The following LGR5 variants were observed in gnomAD, a reference collection of about 807,000 sequenced individuals.
LGR5 encodes leucine-rich repeat-containing G protein-coupled receptor 5.
Under a neutral mutation model 76.7 loss-of-function variants are expected in LGR5, and 54 were observed. The observed-to-expected ratio is 0.70, with a 90% CI of 0.57 to 0.88. The LOEUF is 0.88. LGR5 is among the 40% of genes least tolerant of loss of function. The pLI is 0.00. For missense variants in LGR5, 1,078 were observed against 1,073.3 expected (o/e 1.00, Z -0.06); for synonymous variants, 406 against 421.9 (o/e 0.96, Z 0.46).
chr12:71,568,118 CTG>C (rs1407276599), intron 11 of LGR5, among the ~76,000 whole-genome samples: 1 of 152,176 alleles, frequency 6.6e-6, no homozygotes, highest in Non-Finnish European at 1.5e-5. Context: ...ATTTTACATA[CTG>C]GAGCTAGTAA....
At chr12:71,467,311 A>C (rs1392341718) in intron 1 of LGR5, among the ~76,000 whole-genome samples, 1 of 152,230 alleles carries the variant, frequency 6.6e-6, no homozygotes, top group Admixed American at 6.5e-5. Flanking sequence ...TTTAAAAGGT[A>C]GTGAAGATAA....
chr12:71,447,756 C>A (rs770306276), intron 1 of LGR5, among the ~76,000 whole-genome samples: 1 of 152,162 alleles, frequency 6.6e-6, no homozygotes, highest in Non-Finnish European at 1.5e-5. Context: ...AGGGCATAGC[C>A]GTGAAGGGCC....
intron 1 of LGR5, 150 bp from the exon 2 acceptor site, chr12:71,504,464 T>C: frequency 1.4e-6 from 1 of 729,876 alleles, no homozygotes; most frequent in Non-Finnish European, 2.5e-6. Flanking sequence ...GAAAAGGAAT[T>C]AATATTTAAG....
chr12:71,537,141 T>C (rs149418828), intron 4 of LGR5, among the ~76,000 whole-genome samples: 4 of 150,502 alleles, frequency 2.7e-5, no homozygotes, highest in African/African-American at 9.8e-5. Context: ...TTTTTCTCAC[T>C]GATATTTTTT....
intron 4 of LGR5, among the ~76,000 whole-genome samples, chr12:71,542,963 C>G (rs1876961346): frequency 6.6e-6 from 1 of 152,184 alleles, no homozygotes; most frequent in South Asian, 2.1e-4. Flanking sequence ...TCTGACTACC[C>G]TTTAGAAAAC....
chr12:71,555,692 A>G (rs891882411), intron 5 of LGR5, among the ~76,000 whole-genome samples: 3 of 152,216 alleles, frequency 2.0e-5, no homozygotes, highest in African/African-American at 7.2e-5. Flanking sequence ...TCCCAAAGCC[A>G]TGCTGAACAA....
chr12:71,452,302 C>A (rs146978838), intron 1 of LGR5, among the ~76,000 whole-genome samples: 24 of 152,304 alleles, frequency 1.6e-4, no homozygotes, highest in African/African-American at 5.5e-4. Flanking sequence ...CATTTTAAAA[C>A]ACCCTGTGTC....
rs747929573 is a variant in LGR5 at position 71,583,727 on chromosome 12, A to G, written c.1717A>G (p.Thr573Ala). The change falls in exon 18 of 18, where the codon ACT becomes GCT. Residue 573 changes from threonine to alanine, a missense_variant. Physicochemically the swap from Thr to Ala is moderately conservative, Grantham distance 58. Coordinates refer to ENST00000266674, the MANE Select transcript of LGR5 (RefSeq NM_003667.4). ...GTGGACCATAGCAGTTCTGGCACTT[A>G]CTTGTAATGCTTTGGTGACTTCAAC... is the stretch of plus-strand genomic sequence containing the variant. ...GVWTIAVLAL[T>A]CNALVTSTVF... 6.2e-7 allele frequency: 1 copy of G among 1,613,990 alleles called. No individual in the cohort carries two copies. The highest frequency in any genetic ancestry group is 8.5e-7 in the Non-Finnish European group (1 of 1,180,016).
Position 71,585,962 on chromosome 12 carries a change from C to A in LGR5, c.*1228C>A, listed in dbSNP as rs1879300511. The stretch of plus-strand genomic sequence containing the variant: ...CTATATTAGCTTCAATACATCCAAA[C>A]CAAATGGCTGTTAGGTAGATTTATT... On this transcript the variant is annotated 3_prime_UTR_variant, in exon 18 of 18. Coordinates refer to ENST00000266674, the MANE Select transcript of LGR5 (RefSeq NM_003667.4). The A allele has an allele frequency of 6.6e-6, 1 of 152,148 alleles. No individual in the cohort carries two copies. The highest frequency in any genetic ancestry group is 1.9e-4 in the East Asian group (1 of 5,190). The allele number at this position is 152,148 out of a possible 1,614,324, so 9.4% of individuals were successfully genotyped here.
intron 1 of LGR5, among the ~76,000 whole-genome samples, chr12:71,464,091 A>G (rs1452396928): frequency 1.3e-5 from 2 of 152,218 alleles, no homozygotes. Context: ...GATTCTTTAA[A>G]TCATGTATGT....
At chr12:71,524,374 T>TCA in intron 2 of LGR5, 32 bp from the exon 3 acceptor site, 4 of 1,511,828 alleles carry the variant, frequency 2.6e-6, no homozygotes, top group African/African-American at 1.4e-5. Context: ...AGAGGTATGC[T>TCA]CACTCTCTCT....
At chr12:71,503,998 G>C (rs1283892509) in intron 1 of LGR5, among the ~76,000 whole-genome samples, 6 of 152,196 alleles carry the variant, frequency 3.9e-5, no homozygotes, top group African/African-American at 1.4e-4. Flanking sequence ...CTACTGTGCA[G>C]GCCCAGCAGG....
chr12:71,533,398 T>TG (rs1375437799), intron 3 of LGR5, among the ~76,000 whole-genome samples: 1 of 152,116 alleles, frequency 6.6e-6, no homozygotes, highest in Admixed American at 6.5e-5. Flanking sequence ...TAGCACAGCA[T>TG]GGGGTAGTTC....
chr12:71,567,037 G>C, intron 11 of LGR5, 125 bp downstream of exon 11: 3 of 757,760 alleles, frequency 4.0e-6, no homozygotes, highest in Admixed American at 2.0e-5. Flanking sequence ...GTCTGCAGGA[G>C]GTCAAGCCTC....
chr12:71,520,728 A>C (rs186411268), intron 2 of LGR5, among the ~76,000 whole-genome samples: 1 of 124,864 alleles, frequency 8.0e-6, no homozygotes, highest in African/African-American at 3.0e-5. Flanking sequence ...GGAATGGGGG[A>C]CGGGGGGAGG....
rs1488065462 is a variant in LGR5, at chr12:71,583,719, T to G, written c.1709T>G (p.Leu570Arg). 1 of 1,614,080 alleles carries G rather than the reference T, an allele frequency of 6.2e-7. No individual in the cohort carries two copies. Among genetic ancestry groups the G allele is most frequent in the Admixed American group, 1.7e-5 (1 of 60,006 alleles). The change falls in exon 18 of 18, where the codon CTG (leucine) becomes CGG (arginine). Residue 570 changes from leucine to arginine, a missense_variant. By Grantham distance (102) the Leu-to-Arg change is moderately radical. Transcript: ENST00000266674. Reference protein sequence around the residue: ...IRIGVWTIAVLALTCNALVTS... With the variant: ...IRIGVWTIAVRALTCNALVTS... ...ATTGGAGTGTGGACCATAGCAGTTC[T>G]GGCACTTACTTGTAATGCTTTGGTG...
Position 71,583,855 on chromosome 12 carries a change from T to C in LGR5, c.1845T>C (p.Gly615=), listed in dbSNP as rs777116327. 6.2e-7 allele frequency: 1 copy of C among 1,613,992 alleles called. No homozygotes were observed. Among genetic ancestry groups the C allele is most frequent in the Non-Finnish European group, 8.5e-7 (1 of 1,180,004 alleles). The change falls in exon 18 of 18, where the codon GGT becomes GGC. Residue 615 remains glycine (G), a synonymous_variant. Coordinates refer to ENST00000266674, the MANE Select transcript of LGR5 (RefSeq NM_003667.4). ...LTGVSSAVLA[G]VDAFTFGSFA... ...GAGTCTCCAGTGCCGTGCTGGCTGG[T>C]GTGGATGCGTTCACTTTTGGCAGCT...
intron 1 of LGR5, among the ~76,000 whole-genome samples, chr12:71,454,630 G>A (rs545107317): frequency 3.8e-4 from 58 of 152,110 alleles, no homozygotes; most frequent in Non-Finnish European, 6.3e-4. Context: ...TGAAGTTCAA[G>A]TCAGGGAGAA....
At position 71,584,487 on chromosome 12, in the gene LGR5, A is replaced by G. The variant is rs1372193090; in HGVS notation, c.2477A>G (p.His826Arg). 6.2e-7 allele frequency: 1 copy of G among 1,613,954 alleles called. No individual in the cohort carries two copies. The highest frequency in any genetic ancestry group is 8.5e-7 in the Non-Finnish European group (1 of 1,179,984). The change falls in exon 18 of 18, where the codon CAC (histidine) becomes CGC (arginine). Residue 826 changes from histidine to arginine, a missense_variant. Transcript: ENST00000266674. ...NPLLYILFNP[H>R]FKEDLVSLRK... ...CTTCTCTACATCTTGTTCAATCCTC[A>G]CTTTAAGGAGGATCTGGTGAGCCTG...
Sources: gnomAD v4.1 joint callset for allele counts (sites outside exome capture counted in the v4.1 genomes callset) on GRCh38, gnomAD v4.1.1 for gene constraint, MANE v1.5 for transcripts, NCBI Gene and HGNC (gene_info 2026-07-23, HGNC 2026-07-21) for gene names.